TENM2: variants seen among roughly 807,000 people sequenced by gnomAD.
The protein encoded by TENM2 is teneurin transmembrane protein 2, also known as teneurin-2.
A neutral mutation model predicts 245.2 loss-of-function variants in TENM2; 52 were observed. The ratio of observed to expected loss-of-function variants is 0.21; its 90% CI spans 0.17 to 0.27. The LOEUF is 0.27. Ranked by LOEUF, TENM2 falls within the 10% of genes least tolerant of loss-of-function variation. The pLI, the probability that TENM2 is intolerant of heterozygous loss-of-function variation, is 1.00. For synonymous variants in TENM2, 1,363 were observed against 1,438.9 expected (o/e 0.95, Z 1.19); for missense variants, 3,046 against 3,666.8 (o/e 0.83, Z 4.37).
chr5:167,207,628 C>G, the TENM2 span, among the ~76,000 whole-genome samples: 4 of 152,196 alleles, frequency 2.6e-5, no homozygotes, highest in Non-Finnish European at 5.9e-5. Flanking sequence ...GTTCCAGGCA[C>G]TCTCCTCCAA....
At chr5:167,255,516 C>T in the TENM2 span, among the ~76,000 whole-genome samples, 3 of 152,086 alleles carry the variant, frequency 2.0e-5, no homozygotes, top group East Asian at 1.9e-4. Flanking sequence ...AATGACAAGC[C>T]GACTATAAAC....
At chr5:167,339,103 C>G (rs963350922) in intron 1 of TENM2, among the ~76,000 whole-genome samples, 1 of 152,122 alleles carries the variant, frequency 6.6e-6, no homozygotes, top group African/African-American at 2.4e-5. Flanking sequence ...CTCAACAGTT[C>G]CAAAAGTCTT....
Position 168,148,260 on chromosome 5 carries a change from G to A in TENM2, c.2423-14351G>A, listed in dbSNP as rs1304445245. 4.6e-5 allele frequency among the ~76,000 whole-genome samples: 7 copies of A among 152,190 alleles called. No homozygotes were observed. The East Asian group carries it at 1.3e-3, about 29-fold the overall frequency. On this transcript the variant is annotated intron_variant, in intron 12 of 28. Coordinates refer to ENST00000518659, the Ensembl canonical transcript of TENM2. The stretch of plus-strand genomic sequence containing the variant: ...GAGGGATTTTTGTTTCTCTGTAAAT[G>A]AGAGGATTTCCAAGGAGAAGCTCTT...
the TENM2 span, among the ~76,000 whole-genome samples, chr5:166,998,384 T>G: frequency 1.3e-5 from 2 of 152,150 alleles, no homozygotes; most frequent in African/African-American, 4.8e-5. Context: ...GTAGTAATGT[T>G]TACAAAACAT....
chr5:167,125,765 G>A, the TENM2 span, among the ~76,000 whole-genome samples: 1 of 152,058 alleles, frequency 6.6e-6, no homozygotes, highest in East Asian at 1.9e-4. Context: ...GTCTGTCCTA[G>A]ACCCTTCCCT....
exon 21 of TENM2, chr5:168,215,153 A>G (rs1763080039): frequency 1.2e-6 from 2 of 1,613,894 alleles, no homozygotes; most frequent in African/African-American, 1.3e-5. Flanking sequence ...AGTGGAACCA[A>G]AGACCTGGCT....
chr5:168,026,113 A>G (rs1383122236), intron 5 of TENM2, among the ~76,000 whole-genome samples: 1 of 152,138 alleles, frequency 6.6e-6, no homozygotes, highest in African/African-American at 2.4e-5. Context: ...GCTCTTCTCA[A>G]GGTATGATGT....
intron 2 of TENM2, among the ~76,000 whole-genome samples, chr5:167,391,517 C>T (rs1197126738): frequency 1.3e-5 from 2 of 150,148 alleles, no homozygotes; most frequent in Admixed American, 6.7e-5. Flanking sequence ...CACAGCTACT[C>T]GAGTGGCTGA....
At chr5:168,189,142 T>A (rs1408450223) in intron 13 of TENM2, among the ~76,000 whole-genome samples, 1 of 152,194 alleles carries the variant, frequency 6.6e-6, no homozygotes, top group South Asian at 2.1e-4. Context: ...CATCCATTTA[T>A]AGGAGTTCCA....
chr5:167,394,476 A>G (rs922388092), intron 2 of TENM2, among the ~76,000 whole-genome samples: 27 of 152,234 alleles, frequency 1.8e-4, no homozygotes, highest in African/African-American at 6.0e-4. Context: ...CTATTGGTCT[A>G]TGTGTCTGTT....
chr5:167,451,257 A>T (rs1030877602), intron 2 of TENM2, among the ~76,000 whole-genome samples: 1 of 152,150 alleles, frequency 6.6e-6, no homozygotes. Flanking sequence ...GGACTCCGCC[A>T]TGAGATTACT....
At chr5:167,844,585 G>A (rs529746492) in intron 2 of TENM2, among the ~76,000 whole-genome samples, 1 of 152,282 alleles carries the variant, frequency 6.6e-6, no homozygotes, top group South Asian at 2.1e-4. Context: ...ATTTGTAAAT[G>A]GCTTTTAAAT....
In TENM2 at chr5:167,615,679, G is replaced by T. The variant is rs944943216; in HGVS notation, c.502+240206G>T. On this transcript the variant is annotated intron_variant, in intron 2 of 28. Coordinates refer to ENST00000518659, the Ensembl canonical transcript of TENM2. ...AGTACCATCATTCAATAAACAGTCAGAATATCTTAGTTATAATTAAGAGAG... is the reference window on the plus strand; with the variant it reads ...AGTACCATCATTCAATAAACAGTCATAATATCTTAGTTATAATTAAGAGAG... Among the ~76,000 whole-genome samples, 5 of 152,026 alleles carry T rather than the reference G, an allele frequency of 3.3e-5. No homozygotes were observed. The East Asian group carries it at 9.7e-4, about 29-fold the overall frequency.
At chr5:167,423,229 C>T (rs1173737086) in intron 2 of TENM2, among the ~76,000 whole-genome samples, 1 of 151,958 alleles carries the variant, frequency 6.6e-6, no homozygotes, top group African/African-American at 2.4e-5. Flanking sequence ...TTTTAGGGGT[C>T]ATTGGTACAT....
intron 9 of TENM2, among the ~76,000 whole-genome samples, chr5:168,099,859 C>T (rs1360219239): frequency 6.6e-6 from 1 of 152,198 alleles, no homozygotes; most frequent in Non-Finnish European, 1.5e-5. Flanking sequence ...ACAGGCATCT[C>T]TTCTGTCACA....
At chr5:167,963,409 C>G (rs1583500138) in intron 4 of TENM2, among the ~76,000 whole-genome samples, 1 of 152,180 alleles carries the variant, frequency 6.6e-6, no homozygotes, top group African/African-American at 2.4e-5. Context: ...AGCATGATGC[C>G]ATGCTAGTAT....
chr5:167,204,537 C>T, the TENM2 span, among the ~76,000 whole-genome samples: 1 of 152,160 alleles, frequency 6.6e-6, no homozygotes, highest in South Asian at 2.1e-4. Context: ...TAGCGGAATC[C>T]TGCTTAGGAT....
chr5:167,886,252 CT>C (rs746848999), intron 3 of TENM2, among the ~76,000 whole-genome samples: 7 of 152,140 alleles, frequency 4.6e-5, no homozygotes, highest in African/African-American at 7.2e-5. Flanking sequence ...CCCAAAGAAA[CT>C]GGTCTCCAGA....
At chr5:167,466,444 C>T (rs17068513) in intron 2 of TENM2, among the ~76,000 whole-genome samples, 4,902 of 152,250 alleles carry the variant, frequency 0.032, 299 homozygotes, top group East Asian at 0.2. Flanking sequence ...GTCCAAAAAT[C>T]TACATGTGTC....
Sources: gnomAD v4.1 joint callset for allele counts (sites outside exome capture counted in the v4.1 genomes callset) on GRCh38, gnomAD v4.1.1 for gene constraint, MANE v1.5 for transcripts, NCBI Gene and HGNC (gene_info 2026-07-23, HGNC 2026-07-21) for gene names.